Variants in KDM4B observed in about 807,000 individuals in gnomAD.
KDM4B encodes the protein lysine-specific demethylase 4B.
In KDM4B, 32 loss-of-function variants were observed where a neutral mutation model predicts 125.2. The ratio of observed to expected loss-of-function variants is 0.26; its 90% CI spans 0.19 to 0.34. The LOEUF (loss-of-function observed/expected upper bound fraction) is 0.34. KDM4B is among the 10% of genes least tolerant of loss of function. The pLI, the probability that KDM4B is intolerant of heterozygous loss-of-function variation, is 1.00. For missense variants in KDM4B, 1,190 were observed against 1,577.7 expected (o/e 0.75, Z 4.16); for synonymous variants, 721 against 677.9 (o/e 1.06, Z -0.99).
intron 11 of KDM4B, among the ~76,000 whole-genome samples, chr19:5,128,479 G>A (rs2039487073): frequency 6.6e-6 from 1 of 152,242 alleles, no homozygotes; most frequent in African/African-American, 2.4e-5. Context: ...GGGCACCGCA[G>A]CCTGCAGTCC....
chr19:5,086,645 TCC>T (rs150507498), intron 9 of KDM4B, among the ~76,000 whole-genome samples: 6 of 148,762 alleles, frequency 4.0e-5, no homozygotes, highest in African/African-American at 1.5e-4. Context: ...AGCCACCTCC[TCC>T]CCCCCCCAGC....
At chr19:5,030,860 C>T (rs2036430490) in intron 2 of KDM4B, among the ~76,000 whole-genome samples, 4 of 152,246 alleles carry the variant, frequency 2.6e-5, no homozygotes, top group East Asian at 1.9e-4. Context: ...CGCATCTGGG[C>T]ACTGTTTGTG....
chr19:5,103,766 GA>G (rs539643750), intron 9 of KDM4B, among the ~76,000 whole-genome samples: 2 of 152,370 alleles, frequency 1.3e-5, no homozygotes, highest in Admixed American at 1.3e-4. Context: ...CTGTGTTGGA[GA>G]AGGATGGAGG....
intron 7 of KDM4B, among the ~76,000 whole-genome samples, chr19:5,072,057 G>C (rs1296867802): frequency 1.3e-5 from 2 of 152,196 alleles, no homozygotes; most frequent in East Asian, 3.8e-4. Context: ...AGGCAGCTCA[G>C]CAAGCGACAG....
intron 9 of KDM4B, 64 bp from the exon 10 acceptor site, chr19:5,110,558 T>G (rs2039120254): frequency 2.0e-6 from 3 of 1,536,166 alleles, no homozygotes; most frequent in Middle Eastern, 1.8e-4. Flanking sequence ...TGCTCTGGGG[T>G]GGGGTGTGTG....
At position 5,047,683 on chromosome 19, in the gene KDM4B, C is replaced by T. The variant is rs766216027; in HGVS notation, c.626+14C>T. The T allele has an allele frequency of 3.7e-6, 6 of 1,610,668 alleles. No individual in the cohort carries two copies. The South Asian group carries it at 4.4e-5, about 12-fold the overall frequency. On this transcript the variant is annotated intron_variant, in intron 6 of 22. Transcript: ENST00000159111. ...GCCTAAGTCCTGGTGAGTGTCTGCA[C>T]TGGCCCTGCCGCCGGCCGGACCGAG...
Position 5,069,605 on chromosome 19 carries a change from C to CTGTT in KDM4B, c.627-1383_627-1380dup, listed in dbSNP as rs544924990. ...TTAGACGTGAGCCACTGCACCCGGC[C>CTGTT]TGTTTGTTTGTTTGTTTGTTTGTTT... On this transcript the variant is annotated intron_variant, in intron 6 of 22. Transcript: ENST00000159111. Among the ~76,000 whole-genome samples the CTGTT allele has an allele frequency of 7.9e-4, 116 of 147,254 alleles. 1 individual carries two copies. The highest frequency in any genetic ancestry group is 1.9e-3 in the African/African-American group (74 of 39,544).
intron 9 of KDM4B, among the ~76,000 whole-genome samples, chr19:5,106,314 T>C (rs1465319549): frequency 1.3e-5 from 2 of 152,186 alleles, no homozygotes; most frequent in Non-Finnish European, 2.9e-5. Flanking sequence ...GCAAAGGACA[T>C]CTTTGAATTC....
chr19:5,039,661 G>T (rs2036741433), intron 3 of KDM4B, among the ~76,000 whole-genome samples, 175 bp from the exon 4 acceptor site: 1 of 152,060 alleles, frequency 6.6e-6, no homozygotes, highest in Non-Finnish European at 1.5e-5. Context: ...GTTGGCTGCA[G>T]AGTCTTCTGG....
chr19:5,123,052 A>G (rs1189568061), intron 11 of KDM4B, among the ~76,000 whole-genome samples: 2 of 152,226 alleles, frequency 1.3e-5, no homozygotes, highest in African/African-American at 2.4e-5. Context: ...GACTGTGCAG[A>G]TGCAGGGACA....
chr19:5,151,444 G>A lies in KDM4B; in HGVS notation c.3224G>A (p.Ser1075Asn), dbSNP rs767650154. Residue 1075 changes from serine (S) to asparagine (N), a missense_variant, in exon 23 of 23, where the codon AGC becomes AAC. Physicochemically the swap from Ser to Asn is conservative, Grantham distance 46 (BLOSUM62 1). This residue lies in a region of KDM4B where 109 missense variants were observed against 93.8 expected (regional missense o/e 1.16). Transcript: ENST00000159111. The part of the protein sequence containing the change: ...TPLATEDSGR[S>N]QDYVAFVESL... ...CTTGCCACGGAGGACTCCGGGCGGA[G>A]CCAGGACTACGTGGCCTTCGTGGAG... 1.0e-5 allele frequency: 16 copies of A among 1,550,952 alleles called. No homozygotes were observed. The highest frequency in any genetic ancestry group is 2.8e-5 in the African/African-American group (2 of 72,494).
At chr19:5,113,605 A>G (rs918401751) in intron 10 of KDM4B, among the ~76,000 whole-genome samples, 9 of 152,138 alleles carry the variant, frequency 5.9e-5, no homozygotes, top group Admixed American at 6.5e-5. Context: ...TCTCCCAGAC[A>G]AGGGGCTTGT....
At position 5,114,318 on chromosome 19, in the gene KDM4B, C is replaced by G. The variant is rs753631237; in HGVS notation, c.1115+3500C>G. ...GCCCGGCTGGGCCCAGGCCTCGTCT[C>G]CCCTACCCCTCCGAGCTCGGTGCTG... On this transcript the variant is annotated intron_variant, in intron 10 of 22. Transcript: ENST00000159111. This position sits in a 1 kb window ranked among gnomAD's most constrained non-coding sequence, Gnocchi z 5.8. 5 of 1,026,280 alleles carry G rather than the reference C, an allele frequency of 4.9e-6. No individual in the cohort carries two copies. The South Asian group carries it at 6.6e-5, about 14-fold the overall frequency. The allele number at this position is 1,026,280 out of a possible 1,614,324, so 63.6% of individuals were successfully genotyped here.
intron 1 of KDM4B, among the ~76,000 whole-genome samples, chr19:5,003,928 CG>C (rs1299749296): frequency 6.6e-6 from 1 of 152,176 alleles, no homozygotes; most frequent in Non-Finnish European, 1.5e-5. Context: ...AGGTCTGCCC[CG>C]TGGGTTGTTG....
chr19:4,987,051 T>A (rs13345821), intron 1 of KDM4B, among the ~76,000 whole-genome samples: 3 of 151,762 alleles, frequency 2.0e-5, no homozygotes, highest in Non-Finnish European at 2.9e-5. Context: ...CTCTGCCTAC[T>A]GGGTTCAAGC....
chr19:5,016,231 A>G (rs1183798902), intron 1 of KDM4B, 26 bp from the exon 2 acceptor site: 1 of 152,252 alleles, frequency 6.6e-6, no homozygotes, highest in African/African-American at 2.4e-5. Context: ...AGTTTAGTTA[A>G]TCATGCTTTT....
At chr19:5,066,740 A>T (rs554168550) in intron 6 of KDM4B, among the ~76,000 whole-genome samples, 2 of 152,306 alleles carry the variant, frequency 1.3e-5, no homozygotes, top group South Asian at 2.1e-4. Flanking sequence ...TACCAGGTAT[A>T]TGGCTCCAGA....
Position 5,131,378 on chromosome 19 carries a change from T to G in KDM4B, c.1618T>G (p.Phe540Val), listed in dbSNP as rs1401849608. The G allele has an allele frequency of 1.9e-6, 3 of 1,611,612 alleles. No homozygotes were observed. The highest frequency in any genetic ancestry group is 2.5e-6 in the Non-Finnish European group (3 of 1,179,702). Residue 540 changes from phenylalanine to valine, a missense_variant, in exon 12 of 23, where the codon TTC becomes GTC. Around this residue, in one of 7 missense-constraint regions of KDM4B, gnomAD observed 428 missense variants for 405.1 expected, o/e 1.06. Transcript: ENST00000159111. ...YVVPRPGKAA[F>V]NQEHVSCQQA... ...GGTGCCGCGGCCGGGCAAGGCAGCC[T>G]TCAACCAGGAGCACGTGTCCTGCCA...
intron 10 of KDM4B, among the ~76,000 whole-genome samples, chr19:5,118,460 G>A (rs964514064): frequency 1.3e-4 from 20 of 152,144 alleles, no homozygotes; most frequent in Non-Finnish European, 1.5e-4. Context: ...GGCCAGGCCA[G>A]GGCTTAGGGC....
Sources: allele counts gnomAD v4.1 joint callset (sites outside exome capture counted in the v4.1 genomes callset), GRCh38; gene constraint gnomAD v4.1.1; regional missense constraint gnomAD v4.1.1; non-coding constraint Gnocchi (gnomAD v3.1); transcripts MANE v1.5; gene names NCBI Gene and HGNC (gene_info 2026-07-23, HGNC 2026-07-21).